Variants in SCD5 observed in about 807,000 individuals in gnomAD.
SCD5 encodes the protein acyl-CoA-desaturase 4.
In SCD5, 20 loss-of-function variants were observed where a neutral mutation model predicts 30.4. The observed-to-expected ratio is 0.66, with a 90% confidence interval of 0.46 to 0.96. The LOEUF is 0.96. Ranked by LOEUF, SCD5 falls within the 40% of genes least tolerant of loss-of-function variation. The probability of loss-of-function intolerance (pLI) is 0.00; values close to 1 mark genes in which losing one functional copy is unlikely to be tolerated. For missense variants in SCD5, 381 were observed against 443.3 expected, an observed-to-expected ratio of 0.86 and a Z score of 1.26; for synonymous variants, 173 against 176.4, an observed-to-expected ratio of 0.98 and a Z score of 0.16.
At chr4:82,755,050 G>A (rs1427869295) in intron 1 of SCD5, among the ~76,000 whole-genome samples, 1 of 148,286 alleles carries the variant, frequency 6.7e-6, no homozygotes, top group African/African-American at 2.5e-5. Context: ...AGAACTTGAT[G>A]TCAGTTTTAC....
At chr4:82,738,427 A>C (rs1182020485) in intron 1 of SCD5, among the ~76,000 whole-genome samples, 1 of 152,242 alleles carries the variant, frequency 6.6e-6, no homozygotes, top group Non-Finnish European at 1.5e-5. Context: ...TTTAAAAAAA[A>C]AGTTATCACT....
In SCD5 at chr4:82,638,630, G is replaced by C. The variant is rs536776956; in HGVS notation, c.570-1807C>G. Among the ~76,000 whole-genome samples, 11 of 152,314 alleles carry C rather than the reference G, an allele frequency of 7.2e-5. 1 individual carries two copies. Among genetic ancestry groups the C allele is most frequent in the South Asian group, 2.1e-4 (1 of 4,832 alleles). On this transcript the variant is annotated intron_variant, in intron 3 of 4. Transcript: ENST00000319540. ...CAGAACAGCCAAGTGGGCTCTGCAGGCATCTCAAGCAGGAAGTAAGAGAAG... is the reference window on the plus strand; with the variant it reads ...CAGAACAGCCAAGTGGGCTCTGCAGCCATCTCAAGCAGGAAGTAAGAGAAG...
chr4:82,637,614 T>A (rs1727460479), intron 3 of SCD5, among the ~76,000 whole-genome samples: 1 of 152,220 alleles, frequency 6.6e-6, no homozygotes, highest in Admixed American at 6.5e-5. Context: ...CAGGATTGCC[T>A]CTATGCAGGG....
intron 1 of SCD5, among the ~76,000 whole-genome samples, chr4:82,777,852 AG>A (rs1721784552): frequency 6.6e-6 from 1 of 152,156 alleles, no homozygotes; most frequent in African/African-American, 2.4e-5. Flanking sequence ...TAAGCAATAA[AG>A]TCTCTTCACC....
At chr4:82,660,637 A>G in intron 3 of SCD5, 1 of 1,375,060 alleles carries the variant, frequency 7.3e-7, no homozygotes, top group Non-Finnish European at 9.4e-7. Context: ...AGATGTGGAA[A>G]TAGAATCTCA....
chr4:82,674,085 G>C (rs7657237), intron 3 of SCD5, among the ~76,000 whole-genome samples: 34,921 of 151,826 alleles, frequency 0.23, 4,686 homozygotes, highest in East Asian at 0.4. Context: ...GATGACTCTG[G>C]GTTTGACAAT....
At chr4:82,673,697 C>T (rs994093673) in intron 3 of SCD5, among the ~76,000 whole-genome samples, 1 of 152,124 alleles carries the variant, frequency 6.6e-6, no homozygotes, top group Non-Finnish European at 1.5e-5. Context: ...GAATAGCCAA[C>T]ACAATATTGA....
At chr4:82,752,698 C>T (rs1195197682) in intron 1 of SCD5, among the ~76,000 whole-genome samples, 2 of 152,074 alleles carry the variant, frequency 1.3e-5, no homozygotes, top group Non-Finnish European at 2.9e-5. Flanking sequence ...GCATGGAATC[C>T]TCGCCCTGTG....
intron 3 of SCD5, chr4:82,660,799 G>A (rs1727983509): frequency 1.2e-6 from 2 of 1,604,090 alleles, no homozygotes; most frequent in Admixed American, 1.7e-5. Context: ...GTTAAAAAAG[G>A]CCTGGGTGTG....
At chr4:82,797,709 C>T (rs1004579500) in intron 1 of SCD5, among the ~76,000 whole-genome samples, 1 of 151,914 alleles carries the variant, frequency 6.6e-6, no homozygotes, top group Admixed American at 6.5e-5. Context: ...TAGAAGATTG[C>T]GGAGGGGGCA....
At chr4:82,690,691 T>G (rs1728814384) in intron 2 of SCD5, among the ~76,000 whole-genome samples, 1 of 152,256 alleles carries the variant, frequency 6.6e-6, no homozygotes, top group Non-Finnish European at 1.5e-5. Context: ...TGTGTATTAC[T>G]TTTCTTATAA....
Position 82,661,098 on chromosome 4 carries a change from T to C in SCD5, c.569+19609A>G, listed in dbSNP as rs757057102. The C allele has an allele frequency of 2.5e-6, 4 of 1,608,288 alleles. No individual in the cohort carries two copies. The African/African-American group carries it at 4.0e-5, about 16-fold the overall frequency. On this transcript the variant is annotated intron_variant, in intron 3 of 4. Transcript: ENST00000319540. Reference sequence around the variant, plus strand: ...GTGTACTGATAAAAAATAAAGAAAATGACTGAGAGTTCCACCCAGGTTTGT... The same window carrying C: ...GTGTACTGATAAAAAATAAAGAAAACGACTGAGAGTTCCACCCAGGTTTGT...
rs753651983 is a variant in SCD5 at position 82,680,836 on chromosome 4, G to A, written c.440C>T (p.Ala147Val). Residue 147 changes from alanine (A) to valine (V), a missense_variant, in exon 3 of 5, where the codon GCC becomes GTC. Physicochemically the swap from Ala to Val is moderately conservative, Grantham distance 64. Coordinates refer to ENST00000319540, the MANE Select transcript of SCD5 (RefSeq NM_001037582.3). Reference sequence around the variant, plus strand: ...ATGGGAGAAGAAGAAGCCCCGGCGGGCATTGTGGGGGTCAGCATCCGTCTC... The same window carrying A: ...ATGGGAGAAGAAGAAGCCCCGGCGGACATTGTGGGGGTCAGCATCCGTCTC... Reference protein sequence around the residue: ...YSETDADPHNARRGFFFSHIG... With the variant: ...YSETDADPHNVRRGFFFSHIG... The A allele has an allele frequency of 6.2e-7, 1 of 1,613,784 alleles. No individual in the cohort carries two copies. The highest frequency in any genetic ancestry group is 8.5e-7 in the Non-Finnish European group (1 of 1,179,994).
intron 1 of SCD5, among the ~76,000 whole-genome samples, chr4:82,724,896 A>G (rs1720440446): frequency 2.6e-5 from 4 of 152,246 alleles, no homozygotes; most frequent in Admixed American, 2.0e-4. Flanking sequence ...CAAATGGAAC[A>G]TGGCATTTTG....
chr4:82,635,542 A>C (rs573405571), intron 4 of SCD5, among the ~76,000 whole-genome samples: 2 of 148,404 alleles, frequency 1.3e-5, no homozygotes, highest in African/African-American at 2.5e-5. Context: ...AATGGCGTGA[A>C]CCTGGGAGGC....
At chr4:82,697,528 G>C (rs1296455324) in intron 2 of SCD5, among the ~76,000 whole-genome samples, 4 of 152,102 alleles carry the variant, frequency 2.6e-5, no homozygotes, top group Non-Finnish European at 4.4e-5. Flanking sequence ...TCATCCCCTT[G>C]AGGTTCATTT....
At position 82,712,305 on chromosome 4, in the gene SCD5, TTATTTTA is replaced by T. The variant is rs1720126887; in HGVS notation, c.233-6899_233-6893del. Among the ~76,000 whole-genome samples the T allele has an allele frequency of 1.4e-3, 52 of 37,938 alleles. 15 individuals are homozygous for T. Among genetic ancestry groups the T allele is most frequent in the African/African-American group, 3.9e-3 (48 of 12,162 alleles). 24.9% of individuals were successfully genotyped at this position (37,938 alleles called of 152,430 possible). A position where few individuals can be genotyped will look rare whatever the true frequency, so the allele number is the denominator to read the frequency against. ...ATATATATATATATATATTTTATTT[TTATTTTA>T]TTTTTTTTTTTTGAGATGAAGTCTC... On this transcript the variant is annotated intron_variant, in intron 1 of 4. Coordinates refer to ENST00000319540, the MANE Select transcript of SCD5 (RefSeq NM_001037582.3).
intron 1 of SCD5, among the ~76,000 whole-genome samples, chr4:82,734,473 G>A (rs1720705851): frequency 6.6e-6 from 1 of 152,120 alleles, no homozygotes; most frequent in Non-Finnish European, 1.5e-5. Context: ...TGCAGTTTTT[G>A]TGCTATTCTA....
chr4:82,702,486 A>C (rs1410312867), intron 2 of SCD5, among the ~76,000 whole-genome samples: 1 of 151,980 alleles, frequency 6.6e-6, no homozygotes, highest in Non-Finnish European at 1.5e-5. Flanking sequence ...CACCTTTCCT[A>C]CTATTGCCTC....
Sources: allele counts gnomAD v4.1 joint callset (sites outside exome capture counted in the v4.1 genomes callset), GRCh38; gene constraint gnomAD v4.1.1; transcripts MANE v1.5; gene names NCBI Gene and HGNC (gene_info 2026-07-23, HGNC 2026-07-21).